The following RBMS3 variants were observed in gnomAD, a reference collection of about 807,000 sequenced individuals.
RBMS3 encodes the protein RNA-binding motif, single-stranded-interacting protein 3.
Under a neutral mutation model 66.8 loss-of-function variants are expected in RBMS3, and 27 were observed. That is an observed-to-expected ratio of 0.40 (90% CI 0.30 to 0.56). RBMS3 has a LOEUF of 0.56. RBMS3 is among the 20% of genes least tolerant of loss of function. RBMS3 has a pLI of 0.40. For synonymous variants in RBMS3, 188 were observed against 183.0 expected (o/e 1.03, Z -0.22); for missense variants, 513 against 549.5 (o/e 0.93, Z 0.66).
rs1225065160 is a variant in RBMS3 at position 29,886,401 on chromosome 3, C to T, written c.791+2193C>T. On this transcript the variant is annotated intron_variant, in intron 8 of 14. Transcript: ENST00000383767. Reference sequence around the variant, plus strand: ...GGGAATCGAATGCCAGTCTGTAACACTAAATAGAGCCTGCTGTCTTTGTCC... The same window carrying T: ...GGGAATCGAATGCCAGTCTGTAACATTAAATAGAGCCTGCTGTCTTTGTCC... Among the ~76,000 whole-genome samples, 9 of 151,772 alleles carry T rather than the reference C, an allele frequency of 5.9e-5. No homozygotes were observed. In the East Asian group the frequency reaches 1.6e-3, roughly 26 times the overall value.
At chr3:29,447,578 A>AATAGTAAAG (rs1275519321) in intron 2 of RBMS3, among the ~76,000 whole-genome samples, 1 of 152,180 alleles carries the variant, frequency 6.6e-6, no homozygotes, top group Non-Finnish European at 1.5e-5. Context: ...CCATTTCTTG[A>AATAGTAAAG]ATAGTAAAGA....
chr3:29,858,737 T>C (rs922144934), intron 6 of RBMS3, among the ~76,000 whole-genome samples: 1 of 152,260 alleles, frequency 6.6e-6, no homozygotes, highest in Non-Finnish European at 1.5e-5. Context: ...ATTCCCCTTA[T>C]GGGGCATGGT....
At chr3:29,466,265 A>G (rs2042538341) in intron 2 of RBMS3, among the ~76,000 whole-genome samples, 1 of 152,074 alleles carries the variant, frequency 6.6e-6, no homozygotes, top group South Asian at 2.1e-4. Flanking sequence ...AATTATGACA[A>G]CTGACAAAGC....
chr3:29,942,651 C>G (rs2061419916), intron 11 of RBMS3, among the ~76,000 whole-genome samples: 1 of 151,732 alleles, frequency 6.6e-6, no homozygotes, highest in South Asian at 2.1e-4. Context: ...GTGGCTATTT[C>G]CAGGTGATGG....
chr3:29,735,657 C>T (rs2054346687), intron 4 of RBMS3, among the ~76,000 whole-genome samples: 1 of 152,054 alleles, frequency 6.6e-6, no homozygotes, highest in Non-Finnish European at 1.5e-5. Flanking sequence ...GACGAATAGG[C>T]AAAAGTGAAT....
intron 6 of RBMS3, among the ~76,000 whole-genome samples, chr3:29,868,429 T>C (rs2059412248): frequency 6.6e-6 from 1 of 152,196 alleles, no homozygotes; most frequent in Admixed American, 6.5e-5. Flanking sequence ...AAAATGTCTC[T>C]CTTTTGAGAA....
At chr3:29,362,094 G>A (rs1344755751) in intron 1 of RBMS3, among the ~76,000 whole-genome samples, 1 of 152,238 alleles carries the variant, frequency 6.6e-6, no homozygotes, top group Non-Finnish European at 1.5e-5. Flanking sequence ...CTGGTGAGGA[G>A]CTGCATTCCT....
intron 4 of RBMS3, among the ~76,000 whole-genome samples, chr3:29,711,939 T>C (rs2053187820): frequency 6.6e-6 from 1 of 152,212 alleles, no homozygotes. Context: ...CAACTGCTCA[T>C]GTATCTTTGG....
intron 13 of RBMS3, among the ~76,000 whole-genome samples, chr3:29,990,470 A>C (rs781302734): frequency 3.0e-3 from 450 of 150,288 alleles, no homozygotes; most frequent in Non-Finnish European, 5.1e-3. Context: ...CAAAAAAAAA[A>C]AAAAAAAAAA....
rs75512897 is a variant in RBMS3, at chr3:29,684,849, T to C, written c.400-54871T>C. 9.0e-3 allele frequency among the ~76,000 whole-genome samples: 1,368 copies of C among 152,078 alleles called. 18 individuals are homozygous for C. The highest frequency in any genetic ancestry group is 0.028 in the African/African-American group (1,147 of 41,432). Reference sequence around the variant, plus strand: ...ACACTGAGCTAAAGAGGATGGTCTTTGTGTACAGAAAAGGATAACATTTTT... The same window carrying C: ...ACACTGAGCTAAAGAGGATGGTCTTCGTGTACAGAAAAGGATAACATTTTT... On this transcript the variant is annotated intron_variant, in intron 4 of 14. Transcript: ENST00000383767.
At chr3:29,763,488 A>C (rs1036680909) in intron 6 of RBMS3, among the ~76,000 whole-genome samples, 13 of 152,046 alleles carry the variant, frequency 8.6e-5, no homozygotes, top group African/African-American at 3.1e-4. Context: ...TCTTTTACAA[A>C]AATATCAGTT....
chr3:29,671,066 T>A (rs1284184266), intron 4 of RBMS3, among the ~76,000 whole-genome samples: 1 of 152,136 alleles, frequency 6.6e-6, no homozygotes, highest in African/African-American at 2.4e-5. Context: ...AGAGGAAGGA[T>A]CAGACAGCAA....
intron 1 of RBMS3, among the ~76,000 whole-genome samples, chr3:29,329,417 C>T (rs1404258815): frequency 6.6e-6 from 1 of 152,010 alleles, no homozygotes; most frequent in Non-Finnish European, 1.5e-5. Flanking sequence ...ATTTAAAAAT[C>T]ACAGGAGAGT....
At chr3:29,734,144 C>G (rs1439240401) in intron 4 of RBMS3, among the ~76,000 whole-genome samples, 2 of 152,020 alleles carry the variant, frequency 1.3e-5, no homozygotes, top group African/African-American at 4.8e-5. Context: ...GTCAGGCACA[C>G]AGGAAGATAA....
At chr3:29,876,783 G>A (rs1307401844) in intron 7 of RBMS3, among the ~76,000 whole-genome samples, 1 of 152,052 alleles carries the variant, frequency 6.6e-6, no homozygotes, top group African/African-American at 2.4e-5. Context: ...ATGCTCCAGG[G>A]CAAGGCGAGT....
intron 4 of RBMS3, among the ~76,000 whole-genome samples, chr3:29,621,900 A>C (rs975985964): frequency 6.6e-6 from 1 of 152,206 alleles, no homozygotes; most frequent in Non-Finnish European, 1.5e-5. Flanking sequence ...TGGGATGCCT[A>C]ATCTAGTCTT....
chr3:29,602,650 C>G (rs1162391834), intron 4 of RBMS3, among the ~76,000 whole-genome samples: 2 of 151,834 alleles, frequency 1.3e-5, no homozygotes, highest in African/African-American at 4.8e-5. Flanking sequence ...TTTTTTGCGT[C>G]AACATTATTA....
intron 8 of RBMS3, among the ~76,000 whole-genome samples, chr3:29,891,250 C>T (rs950467626): frequency 6.6e-6 from 1 of 151,642 alleles, no homozygotes; most frequent in African/African-American, 2.4e-5. Context: ...CAGTTCATAA[C>T]TACACCATGG....
intron 14 of RBMS3, among the ~76,000 whole-genome samples, chr3:30,001,324 G>GCTATCT (rs1699598547): frequency 6.6e-6 from 1 of 151,988 alleles, no homozygotes; most frequent in African/African-American, 2.4e-5. Context: ...GCTTCATTTG[G>GCTATCT]CTATCTCTGA....
Sources: allele counts gnomAD v4.1 joint callset (sites outside exome capture counted in the v4.1 genomes callset), GRCh38; gene constraint gnomAD v4.1.1; transcripts MANE v1.5; gene names NCBI Gene and HGNC (gene_info 2026-07-23, HGNC 2026-07-21).